Variants in ITGA9 observed in about 807,000 individuals in gnomAD.
ITGA9 encodes the protein integrin subunit alpha 9.
ITGA9 carries 56 observed loss-of-function variants against 127.8 expected under a neutral mutation model. That is an observed-to-expected ratio of 0.44 (90% CI 0.35 to 0.55). The LOEUF (loss-of-function observed/expected upper bound fraction) is 0.55, where lower values mean the gene tolerates loss of function less well. Ranked by LOEUF, ITGA9 falls within the 20% of genes least tolerant of loss-of-function variation. The pLI is 0.00. For synonymous variants in ITGA9, 508 were observed against 514.5 expected, an observed-to-expected ratio of 0.99 and a Z score of 0.17; for missense variants, 1,196 against 1,347.1, an observed-to-expected ratio of 0.89 and a Z score of 1.76.
intron 18 of ITGA9, among the ~76,000 whole-genome samples, chr3:37,710,132 G>T (rs1396803093): frequency 2.6e-5 from 4 of 152,160 alleles, no homozygotes; most frequent in Non-Finnish European, 5.9e-5. Flanking sequence ...AGCTGTATTG[G>T]CCACAGCCAT....
chr3:37,822,723 A>G lies in ITGA9; in HGVS notation c.*3734A>G, dbSNP rs545059876. The G allele has an allele frequency of 2.0e-5, 3 of 152,300 alleles. No individual in the cohort carries two copies. The South Asian group carries it at 6.2e-4, about 32-fold the overall frequency. 9.4% of individuals were successfully genotyped at this position (152,300 alleles called of 1,614,324 possible). A position where few individuals can be genotyped will look rare whatever the true frequency, so the allele number is the denominator to read the frequency against. ...CGGAAGCATAGCAGATCCCCAGACG[A>G]TCCGTGTGCTGTATGCTACCTGTTG... On this transcript the variant is annotated 3_prime_UTR_variant, in exon 28 of 28. Coordinates refer to ENST00000264741, the MANE Select transcript of ITGA9 (RefSeq NM_002207.3).
chr3:37,777,618 C>A, intron 24 of ITGA9, 101 bp downstream of exon 24: 1 of 1,362,348 alleles, frequency 7.3e-7, no homozygotes, highest in Non-Finnish European at 1.0e-6. Flanking sequence ...TGGTTTTAAT[C>A]AATTTGACTT....
chr3:37,708,652 C>CACACAACAAGGAATTATCCA (rs1701036449), intron 18 of ITGA9, among the ~76,000 whole-genome samples: 2 of 73,148 alleles, frequency 2.7e-5, no homozygotes, highest in Non-Finnish European at 6.0e-5. Context: ...CTAAATACCC[C>CACACAACAAGGAATTATCCA]ACAATGCACA....
chr3:37,568,061 G>C (rs1699564999), intron 15 of ITGA9, among the ~76,000 whole-genome samples: 1 of 152,224 alleles, frequency 6.6e-6, no homozygotes, highest in Non-Finnish European at 1.5e-5. Context: ...TTCTTTATGA[G>C]GGCCCCCGTG....
intron 15 of ITGA9, among the ~76,000 whole-genome samples, chr3:37,586,845 G>A (rs1305948988): frequency 1.3e-5 from 2 of 152,148 alleles, no homozygotes; most frequent in Non-Finnish European, 2.9e-5. Flanking sequence ...TTTTTCTGTT[G>A]TCCAACACTT....
At chr3:37,685,106 A>G (rs1425289077) in intron 18 of ITGA9, among the ~76,000 whole-genome samples, 1 of 152,214 alleles carries the variant, frequency 6.6e-6, no homozygotes, top group African/African-American at 2.4e-5. Flanking sequence ...TTATGTTAAA[A>G]TGGAACCAAA....
chr3:37,490,470 T>C (rs1274577303), intron 4 of ITGA9, among the ~76,000 whole-genome samples: 1 of 152,194 alleles, frequency 6.6e-6, no homozygotes, highest in Non-Finnish European at 1.5e-5. Flanking sequence ...AAAATAATTG[T>C]AAAATTGATG....
chr3:37,722,765 T>C (rs1291106830), intron 18 of ITGA9, among the ~76,000 whole-genome samples: 1 of 152,270 alleles, frequency 6.6e-6, no homozygotes, highest in Non-Finnish European at 1.5e-5. Flanking sequence ...TTACAAATTA[T>C]GCTGCTATCA....
chr3:37,634,830 A>G (rs555988352), intron 16 of ITGA9, among the ~76,000 whole-genome samples: 1 of 152,348 alleles, frequency 6.6e-6, no homozygotes, highest in African/African-American at 2.4e-5. Flanking sequence ...AACACTCTCC[A>G]GGATGGATCA....
At chr3:37,537,386 T>G (rs267545) in intron 14 of ITGA9, among the ~76,000 whole-genome samples, 86,467 of 151,602 alleles carry the variant, frequency 0.57, 25,126 homozygotes, top group East Asian at 0.81. Flanking sequence ...TAGCAGAGCC[T>G]CACAGCAAGC....
At chr3:37,469,064 G>A (rs981146024) in intron 1 of ITGA9, among the ~76,000 whole-genome samples, 2 of 152,174 alleles carry the variant, frequency 1.3e-5, no homozygotes, top group South Asian at 2.1e-4. Context: ...GCATAAAACT[G>A]TAGGTCAGAA....
chr3:37,703,247 G>A (rs1031687927), intron 18 of ITGA9, among the ~76,000 whole-genome samples: 3 of 152,070 alleles, frequency 2.0e-5, no homozygotes, highest in East Asian at 3.9e-4. Context: ...AAATGAACCT[G>A]TTTGGATTCT....
At chr3:37,529,372 C>T (rs1432636368) in intron 13 of ITGA9, among the ~76,000 whole-genome samples, 1 of 152,080 alleles carries the variant, frequency 6.6e-6, no homozygotes, top group African/African-American at 2.4e-5. Flanking sequence ...CAGAGTGAGG[C>T]CTGAGACTTG....
chr3:37,505,108 C>T (rs78417274), intron 6 of ITGA9, among the ~76,000 whole-genome samples: 5,416 of 152,260 alleles, frequency 0.036, 295 homozygotes, highest in African/African-American at 0.12. Flanking sequence ...TCTACCCACC[C>T]ACCCACTGAC....
chr3:37,548,644 C>T (rs1699350688), intron 15 of ITGA9, among the ~76,000 whole-genome samples: 1 of 152,038 alleles, frequency 6.6e-6, no homozygotes, highest in African/African-American at 2.4e-5. Context: ...GACTAGTTAT[C>T]TTAGTTTGCT....
chr3:37,814,726 C>T lies in ITGA9; in HGVS notation c.3010-4165C>T, dbSNP rs914487467. 1.3e-5 allele frequency among the ~76,000 whole-genome samples: 2 copies of T among 152,202 alleles called. No homozygotes were observed. Among genetic ancestry groups the T allele is most frequent in the African/African-American group, 4.8e-5 (2 of 41,442 alleles). The stretch of plus-strand genomic sequence containing the variant: ...AAACTCTGATTTTATGAGAACAAGA[C>T]ACTCTACTGCCATCTGTTGGAAAAC... On this transcript the variant is annotated intron_variant, in intron 27 of 27. Transcript: ENST00000264741. The surrounding 1 kb of genome is among the most constrained non-coding windows in gnomAD (Gnocchi z 4.3).
At chr3:37,558,981 C>A (rs1373055226) in intron 15 of ITGA9, among the ~76,000 whole-genome samples, 1 of 152,094 alleles carries the variant, frequency 6.6e-6, no homozygotes, top group Non-Finnish European at 1.5e-5. Flanking sequence ...TTCTTTCCAC[C>A]TGTATTTGTG....
intron 14 of ITGA9, among the ~76,000 whole-genome samples, chr3:37,534,677 A>G (rs1579093802): frequency 6.6e-6 from 1 of 152,222 alleles, no homozygotes; most frequent in East Asian, 1.9e-4. Context: ...ATCATTTTTT[A>G]AAAAGAGCTT....
At chr3:37,630,894 C>G (rs1419797046) in intron 16 of ITGA9, among the ~76,000 whole-genome samples, 3 of 152,090 alleles carry the variant, frequency 2.0e-5, no homozygotes, top group African/African-American at 7.2e-5. Flanking sequence ...TGGCCTTACT[C>G]TGAGGTGTGG....
Sources: allele counts gnomAD v4.1 joint callset (sites outside exome capture counted in the v4.1 genomes callset), GRCh38; gene constraint gnomAD v4.1.1; non-coding constraint Gnocchi (gnomAD v3.1); transcripts MANE v1.5; gene names NCBI Gene and HGNC (gene_info 2026-07-23, HGNC 2026-07-21).